The following DNER variants were observed in gnomAD, a reference collection of about 807,000 sequenced individuals.
DNER encodes the protein delta and Notch-like epidermal growth factor-related receptor.
Under a neutral mutation model 78.2 loss-of-function variants are expected in DNER, and 33 were observed. The ratio of observed to expected loss-of-function variants is 0.42; its 90% CI spans 0.32 to 0.56. The LOEUF is 0.56. Among genes scored for constraint, DNER ranks in the 20% least tolerant of loss-of-function variants. The probability of loss-of-function intolerance (pLI) is 0.11; values close to 1 mark genes in which losing one functional copy is unlikely to be tolerated. For missense variants in DNER, 918 were observed against 975.3 expected, an observed-to-expected ratio of 0.94 and a Z score of 0.78; for synonymous variants, 417 against 384.8, an observed-to-expected ratio of 1.08 and a Z score of -0.98.
rs112276389 is a variant in DNER, at chr2:229,594,780, A to T, written c.277-2892T>A. On this transcript the variant is annotated intron_variant, in intron 1 of 12. Coordinates refer to ENST00000341772, the MANE Select transcript of DNER (RefSeq NM_139072.4). ...ATTCCTGTAGAGAAGGCAGAAGGTA[A>T]GGGTTATATTTTTGTAAGCAATAGA... 5.6e-3 allele frequency among the ~76,000 whole-genome samples: 850 copies of T among 152,180 alleles called. 8 individuals are homozygous for T. The highest frequency in any genetic ancestry group is 0.019 in the African/African-American group (797 of 41,510).
chr2:229,387,795 G>A lies in DNER; in HGVS notation c.1855+470C>T, dbSNP rs565580818. Among the ~76,000 whole-genome samples, 33 of 152,024 alleles carry A rather than the reference G, an allele frequency of 2.2e-4. No individual in the cohort carries two copies. The South Asian group carries it at 3.7e-3, about 17-fold the overall frequency. ...AGCTTGTCTTCACTGAACTTTTCTC[G>A]AGGCAATAGAAGGAACTTAATACAT... is the stretch of plus-strand genomic sequence containing the variant. On this transcript the variant is annotated intron_variant, in intron 11 of 12. Coordinates refer to ENST00000341772, the MANE Select transcript of DNER (RefSeq NM_139072.4).
chr2:229,528,237 G>A (rs1015632114), intron 5 of DNER, among the ~76,000 whole-genome samples: 3 of 152,182 alleles, frequency 2.0e-5, no homozygotes, highest in African/African-American at 7.2e-5. Flanking sequence ...AACTTCCTAG[G>A]ATAACAGGGT....
At chr2:229,523,861 A>G (rs1426885343) in intron 5 of DNER, among the ~76,000 whole-genome samples, 4 of 152,262 alleles carry the variant, frequency 2.6e-5, no homozygotes, top group African/African-American at 9.6e-5. Context: ...TGCATGAAAC[A>G]TAGCTCATGA....
rs35357754 is a variant in DNER at position 229,486,364 on chromosome 2, C to CAA, written c.1148-9113_1148-9112dup. On this transcript the variant is annotated intron_variant, in intron 6 of 12. Coordinates refer to ENST00000341772, the MANE Select transcript of DNER (RefSeq NM_139072.4). ...TAAAATATAATTAAATTGGAATATG[C>CAA]AAAAAAAAAAGCTTGACAGAAAGCT... Among the ~76,000 whole-genome samples the CAA allele has an allele frequency of 1.3e-3, 189 of 143,834 alleles. 1 individual carries two copies. The highest frequency in any genetic ancestry group is 2.3e-3 in the Non-Finnish European group (149 of 65,624). The allele number at this position is 143,834 out of a possible 152,430, so 94.4% of individuals were successfully genotyped here.
At chr2:229,525,244 C>G (rs1419973614) in intron 5 of DNER, among the ~76,000 whole-genome samples, 1 of 152,192 alleles carries the variant, frequency 6.6e-6, no homozygotes, top group Non-Finnish European at 1.5e-5. Flanking sequence ...TTGCCTCAGT[C>G]TTCACATCAA....
rs755042676 is a variant in DNER at position 229,418,121 on chromosome 2, C to T, written c.1596G>A (p.Leu532=). The T allele has an allele frequency of 1.9e-6, 3 of 1,614,154 alleles. No individual in the cohort carries two copies. The highest frequency in any genetic ancestry group is 2.5e-6 in the Non-Finnish European group (3 of 1,179,996). The change falls in exon 9 of 13, where the codon CTG becomes CTA. Residue 532 remains leucine, a synonymous_variant. Coordinates refer to ENST00000341772, the MANE Select transcript of DNER (RefSeq NM_139072.4). ...DLVNGYECVC[L]AEYKGTHCEL... ...GCGGCCTCTCACCTTTGTATTCTGC[C>T]AGGCACACACACTCATAGCCATTAA...
intron 1 of DNER, among the ~76,000 whole-genome samples, chr2:229,709,577 G>T (rs1191956488): frequency 1.3e-5 from 2 of 152,156 alleles, no homozygotes; most frequent in African/African-American, 4.8e-5. Flanking sequence ...GTCAAAAATA[G>T]GTTCCTCTGA....
intron 6 of DNER, among the ~76,000 whole-genome samples, chr2:229,488,008 C>T (rs765054306): frequency 2.0e-5 from 3 of 152,162 alleles, no homozygotes; most frequent in Non-Finnish European, 2.9e-5. Flanking sequence ...GGCATGGTAA[C>T]GATGTGTTGT....
chr2:229,591,503 C>A lies in DNER; in HGVS notation c.585+77G>T. ...CTTAAAATGCTTTCATTTTTAATTG[C>A]TGATACTAGAACCGCTGGAGTCACT... On this transcript the variant is annotated intron_variant, in intron 2 of 12. Coordinates refer to ENST00000341772, the MANE Select transcript of DNER (RefSeq NM_139072.4). The surrounding 1 kb of genome is among the most constrained non-coding windows in gnomAD (Gnocchi z 4.6). The A allele has an allele frequency of 6.8e-7, 1 of 1,467,514 alleles. No individual in the cohort carries two copies. The highest frequency in any genetic ancestry group is 9.1e-7 in the Non-Finnish European group (1 of 1,101,306). The allele number at this position is 1,467,514 out of a possible 1,614,324, so 90.9% of individuals were successfully genotyped here. A position where few individuals can be genotyped will look rare whatever the true frequency, so the allele number is the denominator to read the frequency against.
chr2:229,364,388 A>C (rs1010489007), intron 12 of DNER, among the ~76,000 whole-genome samples: 9 of 152,158 alleles, frequency 5.9e-5, no homozygotes, highest in Non-Finnish European at 1.0e-4. Context: ...AGACATAGAA[A>C]TAAAAGCTAC....
At chr2:229,364,048 G>T (rs550122057) in intron 12 of DNER, among the ~76,000 whole-genome samples, 88 of 145,348 alleles carry the variant, frequency 6.1e-4, no homozygotes, top group Non-Finnish European at 1.0e-3. Context: ...CCCAGGCTGG[G>T]GTGATGGAGT....
intron 7 of DNER, among the ~76,000 whole-genome samples, chr2:229,462,798 C>T (rs2154210909): frequency 6.6e-6 from 1 of 152,126 alleles, no homozygotes; most frequent in East Asian, 1.9e-4. Context: ...AGTCTTACGC[C>T]ACATGCTTCA....
rs563856225 is a variant in DNER at position 229,672,239 on chromosome 2, G to C, written c.276+41909C>G. ...CAGGCTCACCTGGTGTCCTGTCTGGGGTAGCTGAGGTAGGGAGATTCCAAC... is the reference window on the plus strand; with the variant it reads ...CAGGCTCACCTGGTGTCCTGTCTGGCGTAGCTGAGGTAGGGAGATTCCAAC... On this transcript the variant is annotated intron_variant, in intron 1 of 12. Transcript: ENST00000341772. Among the ~76,000 whole-genome samples, 14 of 152,272 alleles carry C rather than the reference G, an allele frequency of 9.2e-5. No homozygotes were observed. The East Asian group carries it at 1.7e-3, about 19-fold the overall frequency.
At chr2:229,392,166 A>G (rs1316040543) in intron 10 of DNER, among the ~76,000 whole-genome samples, 1 of 152,122 alleles carries the variant, frequency 6.6e-6, no homozygotes, top group Non-Finnish European at 1.5e-5. Flanking sequence ...TTTATTCAAG[A>G]TAAAGTGAGT....
intron 4 of DNER, among the ~76,000 whole-genome samples, chr2:229,554,962 A>G (rs1430222097): frequency 7.4e-6 from 1 of 134,604 alleles, no homozygotes; most frequent in African/African-American, 3.0e-5. Context: ...AAGGGAAGGG[A>G]AGGGAAGGGA....
chr2:229,438,643 G>A (rs1694175313), intron 8 of DNER, among the ~76,000 whole-genome samples: 1 of 152,136 alleles, frequency 6.6e-6, no homozygotes, highest in South Asian at 2.1e-4. Context: ...CACTCTCTGG[G>A]TCAACAGAGC....
intron 5 of DNER, among the ~76,000 whole-genome samples, chr2:229,546,660 C>G (rs1028606817): frequency 6.6e-6 from 1 of 151,988 alleles, no homozygotes; most frequent in African/African-American, 2.4e-5. Flanking sequence ...CACTTGAACC[C>G]AGGAGCCAGA....
chr2:229,710,983 G>GCACACACACACA (rs34720917), intron 1 of DNER, among the ~76,000 whole-genome samples: 62 of 139,800 alleles, frequency 4.4e-4, no homozygotes, highest in African/African-American at 1.6e-3. Flanking sequence ...GCATACACGC[G>GCACACACACACA]CACACACACA....
intron 10 of DNER, among the ~76,000 whole-genome samples, chr2:229,393,226 G>A (rs552546493): frequency 4.7e-4 from 72 of 151,968 alleles, no homozygotes; most frequent in Non-Finnish European, 1.0e-3. Flanking sequence ...TCAGGAGTTC[G>A]AGACTAGCCT....
Sources: gnomAD v4.1 joint callset for allele counts (sites outside exome capture counted in the v4.1 genomes callset) on GRCh38, gnomAD v4.1.1 for gene constraint, Gnocchi (gnomAD v3.1) non-coding constraint, MANE v1.5 for transcripts, NCBI Gene and HGNC (gene_info 2026-07-23, HGNC 2026-07-21) for gene names.